The following B3GLCT variants were observed in gnomAD, a reference collection of about 807,000 sequenced individuals.
The protein encoded by B3GLCT is beta-1,3-glucosyltransferase.
Under a neutral mutation model 63.4 loss-of-function variants are expected in B3GLCT, and 65 were observed. The ratio of observed to expected loss-of-function variants is 1.03; its 90% CI spans 0.84 to 1.26. The LOEUF is 1.26. Among genes scored for constraint, B3GLCT ranks in the 50% most tolerant of loss-of-function variants. The pLI is 0.00. For synonymous variants in B3GLCT, 233 were observed against 219.2 expected (o/e 1.06, Z -0.55); for missense variants, 577 against 604.8 (o/e 0.95, Z 0.48).
intron 4 of B3GLCT, among the ~76,000 whole-genome samples, chr13:31,240,477 T>C (rs1278271549): frequency 3.8e-4 from 23 of 59,780 alleles, no homozygotes; most frequent in Non-Finnish European, 5.7e-4. Flanking sequence ...GTTTTTTTTT[T>C]CTTTTTTTTT....
chr13:31,276,188 C>T (rs1041441168), intron 9 of B3GLCT, among the ~76,000 whole-genome samples: 1 of 152,108 alleles, frequency 6.6e-6, no homozygotes, highest in Non-Finnish European at 1.5e-5. Flanking sequence ...ACATCCTTAG[C>T]CTAGACTTGG....
chr13:31,245,600 A>G (rs1050059095), intron 4 of B3GLCT, among the ~76,000 whole-genome samples: 1 of 152,192 alleles, frequency 6.6e-6, no homozygotes, highest in African/African-American at 2.4e-5. Context: ...TAATTGATAC[A>G]TAATAACTCA....
intron 4 of B3GLCT, among the ~76,000 whole-genome samples, chr13:31,233,443 T>A (rs868126286): frequency 1.3e-5 from 2 of 151,404 alleles, no homozygotes; most frequent in Non-Finnish European, 2.9e-5. Flanking sequence ...AAAAAAAAAA[T>A]GGAAGATGTA....
At chr13:31,260,012 G>A (rs1032676095) in intron 6 of B3GLCT, among the ~76,000 whole-genome samples, 11 of 152,156 alleles carry the variant, frequency 7.2e-5, no homozygotes, top group South Asian at 2.1e-4. Context: ...GAAGTCTTTC[G>A]TTACACTTAG....
chr13:31,248,186 A>G (rs1251697799), intron 6 of B3GLCT, among the ~76,000 whole-genome samples: 1 of 152,250 alleles, frequency 6.6e-6, no homozygotes, highest in Non-Finnish European at 1.5e-5. Flanking sequence ...AAATGAAAAA[A>G]ATCTGTTAAT....
intron 14 of B3GLCT, among the ~76,000 whole-genome samples, chr13:31,325,491 G>C (rs1227670570): frequency 6.6e-6 from 1 of 152,098 alleles, no homozygotes; most frequent in Non-Finnish European, 1.5e-5. Flanking sequence ...GAATAAATTA[G>C]CTAATAAAAT....
intron 12 of B3GLCT, among the ~76,000 whole-genome samples, chr13:31,300,189 G>C (rs1052326126): frequency 6.6e-6 from 1 of 151,932 alleles, no homozygotes; most frequent in Admixed American, 6.6e-5. Flanking sequence ...CATAGTTCCA[G>C]AGTCAGTTTT....
chr13:31,285,158 A>G (rs1873258550), intron 11 of B3GLCT, among the ~76,000 whole-genome samples: 2 of 152,346 alleles, frequency 1.3e-5, no homozygotes, highest in African/African-American at 4.8e-5. Context: ...CACTAGTTAT[A>G]TGTAGAATAA....
chr13:31,325,165 C>T (rs1407693201), intron 14 of B3GLCT, among the ~76,000 whole-genome samples: 1 of 152,098 alleles, frequency 6.6e-6, no homozygotes, highest in East Asian at 1.9e-4. Context: ...ATCCTTGAGA[C>T]AATAAGAGAG....
Position 31,309,678 on chromosome 13 carries a change from T to A in B3GLCT, c.1065-7888T>A, listed in dbSNP as rs115373568. On this transcript the variant is annotated intron_variant, in intron 12 of 14. Coordinates refer to ENST00000343307, the MANE Select transcript of B3GLCT (RefSeq NM_194318.4). ...ATGGGGGAAGGAGTGTGGAGCTTCC[T>A]TGCCCCACTTGGGTGCTCAACCCCC... is the stretch of plus-strand genomic sequence containing the variant. Among the ~76,000 whole-genome samples the A allele has an allele frequency of 6.1e-3, 934 of 152,296 alleles. 11 individuals are homozygous for A. Among genetic ancestry groups the A allele is most frequent in the African/African-American group, 0.021 (890 of 41,572 alleles).
At chr13:31,221,370 A>G (rs548905212) in intron 2 of B3GLCT, among the ~76,000 whole-genome samples, 22 of 152,336 alleles carry the variant, frequency 1.4e-4, no homozygotes, top group Admixed American at 2.6e-4. Flanking sequence ...TTCCTGGTCA[A>G]GAGTGGCATT....
intron 4 of B3GLCT, among the ~76,000 whole-genome samples, chr13:31,235,128 G>T (rs1254323524): frequency 1.3e-5 from 2 of 152,076 alleles, no homozygotes; most frequent in Non-Finnish European, 2.9e-5. Flanking sequence ...AATGGTGGGA[G>T]ATGGACCCAG....
intron 7 of B3GLCT, among the ~76,000 whole-genome samples, chr13:31,264,413 C>T (rs1407761411): frequency 5.3e-5 from 8 of 152,072 alleles, no homozygotes; most frequent in Non-Finnish European, 7.4e-5. Flanking sequence ...ACCAACAAAC[C>T]GTAGAATGTG....
intron 6 of B3GLCT, among the ~76,000 whole-genome samples, chr13:31,259,590 T>G (rs1382887582): frequency 6.6e-6 from 1 of 151,644 alleles, no homozygotes; most frequent in Non-Finnish European, 1.5e-5. Context: ...GAGGGAAACT[T>G]GCATGCGGCA....
intron 4 of B3GLCT, among the ~76,000 whole-genome samples, chr13:31,231,157 TGGGGTGGCCAC>T (rs1870362446): frequency 6.6e-6 from 1 of 152,096 alleles, no homozygotes; most frequent in Non-Finnish European, 1.5e-5. Flanking sequence ...GAGGCGCTAG[TGGGGTGGCCAC>T]GCGCAGGCTG....
At chr13:31,209,799 A>T (rs1869165324) in intron 1 of B3GLCT, among the ~76,000 whole-genome samples, 1 of 152,184 alleles carries the variant, frequency 6.6e-6, no homozygotes, top group Non-Finnish European at 1.5e-5. Context: ...GCGCCCTCTG[A>T]GGTGGAGTTA....
intron 12 of B3GLCT, among the ~76,000 whole-genome samples, chr13:31,313,578 A>G (rs938890820): frequency 3.9e-5 from 6 of 152,216 alleles, no homozygotes; most frequent in African/African-American, 1.4e-4. Context: ...GCAGAAAAGC[A>G]TTCAAGAGCT....
At chr13:31,285,604 TAAAAAA>T (rs11339832) in intron 11 of B3GLCT, among the ~76,000 whole-genome samples, 133 of 84,206 alleles carry the variant, frequency 1.6e-3, no homozygotes, top group South Asian at 5.3e-3. Flanking sequence ...CTTTTATGAG[TAAAAAA>T]AAAAAAAAAA....
intron 7 of B3GLCT, 39 bp downstream of exon 7, chr13:31,261,121 G>T: frequency 6.3e-7 from 1 of 1,580,474 alleles, no homozygotes; most frequent in East Asian, 2.2e-5. Flanking sequence ...GGCGGGAGGG[G>T]TGTGCATCAA....
Sources: gnomAD v4.1 joint callset for allele counts (sites outside exome capture counted in the v4.1 genomes callset) on GRCh38, gnomAD v4.1.1 for gene constraint, MANE v1.5 for transcripts, NCBI Gene and HGNC (gene_info 2026-07-23, HGNC 2026-07-21) for gene names.